Variants in PMS1 observed in about 807,000 individuals in gnomAD.
PMS1 encodes the protein PMS1 homolog 1, mismatch repair system component.
In PMS1, 79 loss-of-function variants were observed where a neutral mutation model predicts 93.1. The ratio of observed to expected loss-of-function variants is 0.85; its 90% CI spans 0.71 to 1.02. The LOEUF is 1.02. Ranked by LOEUF, PMS1 falls within the 50% of genes least tolerant of loss-of-function variation. The pLI, the probability that PMS1 is intolerant of heterozygous loss-of-function variation, is 0.00. For missense variants in PMS1, 1,064 were observed against 1,085.3 expected (o/e 0.98, Z 0.28); for synonymous variants, 335 against 363.4 (o/e 0.92, Z 0.89).
chr2:189,801,485 AAC>A (rs1489942749), intron 3 of PMS1, among the ~76,000 whole-genome samples: 5 of 152,374 alleles, frequency 3.3e-5, no homozygotes, highest in East Asian at 1.9e-4. Context: ...CATAATAAAA[AAC>A]ACAAAATATT....
At chr2:189,809,701 C>T (rs2050667476) in intron 4 of PMS1, among the ~76,000 whole-genome samples, 5 of 151,756 alleles carry the variant, frequency 3.3e-5, no homozygotes, top group Admixed American at 1.3e-4. Flanking sequence ...AAAAATTAGC[C>T]AGGCATGGGG....
At chr2:189,845,443 G>A (rs1341126232) in intron 6 of PMS1, among the ~76,000 whole-genome samples, 1 of 151,428 alleles carries the variant, frequency 6.6e-6, no homozygotes, top group East Asian at 1.9e-4. Context: ...ATCTTATGTA[G>A]TTTTTCGCTT....
At chr2:189,831,767 A>G (rs1575180106) in intron 5 of PMS1, among the ~76,000 whole-genome samples, 1 of 152,254 alleles carries the variant, frequency 6.6e-6, no homozygotes, top group East Asian at 1.9e-4. Flanking sequence ...GCTGGATAGT[A>G]TTTATTTTTT....
intron 1 of PMS1, among the ~76,000 whole-genome samples, chr2:189,787,688 A>C (rs1178369981): frequency 3.3e-5 from 5 of 152,020 alleles, no homozygotes; most frequent in African/African-American, 7.3e-5. Context: ...AGTGCTGGAT[A>C]GAGTACTGGT....
Position 189,805,743 on chromosome 2 carries a change from A to C in PMS1, c.407A>C (p.His136Pro), listed in dbSNP as rs1409259023. 2 of 1,613,796 alleles carry C rather than the reference A, an allele frequency of 1.2e-6. No individual in the cohort carries two copies. Among genetic ancestry groups the C allele is most frequent in the East Asian group, 4.5e-5 (2 of 44,808 alleles). ...SGHILSQKPS[H>P]LGQGTTVTAL... ...CACATACTTTCTCAGAAACCTTCACATCTTGGTCAAGGTAAGAAAGTAGCT... is the reference window on the plus strand; with the variant it reads ...CACATACTTTCTCAGAAACCTTCACCTCTTGGTCAAGGTAAGAAAGTAGCT... The change falls in exon 4 of 13, where the codon CAT becomes CCT. Residue 136 changes from histidine (H) to proline (P), a missense_variant. Coordinates refer to ENST00000441310, the MANE Select transcript of PMS1 (RefSeq NM_000534.5).
intron 9 of PMS1, among the ~76,000 whole-genome samples, chr2:189,859,924 A>C (rs2055768435): frequency 6.6e-6 from 1 of 152,224 alleles, no homozygotes; most frequent in African/African-American, 2.4e-5. Flanking sequence ...TATATACAAA[A>C]AATTTTCCTT....
At position 189,854,292 on chromosome 2, in the gene PMS1, AC is replaced by A. The variant is rs1211424921; in HGVS notation, c.1022del (p.Pro341LeufsTer67). Reference protein sequence around the residue: ...NLMTTCYGPLPSTNSYENNKT... With the variant: ...NLMTTCYGPLXSTNSYENNKT... ...TGATGACGACTTGTTATGGACCATT[AC>A]CTAGTACAAATTCTTATGAAAATAA... On this transcript the variant is annotated frameshift_variant, in exon 9 of 13. Transcript: ENST00000441310. LOFTEE classifies it high-confidence loss of function. 3 of 1,595,788 alleles carry A rather than the reference AC, an allele frequency of 1.9e-6. No individual in the cohort carries two copies. The highest frequency in any genetic ancestry group is 2.6e-6 in the Non-Finnish European group (3 of 1,172,382).
At chr2:189,795,748 G>T in intron 2 of PMS1, 21 bp from the exon 3 acceptor site, 1 of 1,579,152 alleles carries the variant, frequency 6.3e-7, no homozygotes, top group Non-Finnish European at 8.7e-7. Flanking sequence ...CATATTAAAA[G>T]TGTTTTTTGA....
chr2:189,798,465 T>C (rs1180847266), intron 3 of PMS1, among the ~76,000 whole-genome samples: 3 of 152,236 alleles, frequency 2.0e-5, no homozygotes, highest in Non-Finnish European at 2.9e-5. Flanking sequence ...GTCCAAAATC[T>C]AGCACACTGT....
chr2:189,817,964 A>C, intron 4 of PMS1, 53 bp from the exon 5 acceptor site: 1 of 1,300,698 alleles, frequency 7.7e-7, no homozygotes. Context: ...GGATTTGAAG[A>C]TCTGTGACGT....
chr2:189,795,135 G>T (rs551247162), intron 2 of PMS1, among the ~76,000 whole-genome samples: 6 of 152,178 alleles, frequency 3.9e-5, no homozygotes, highest in Admixed American at 2.6e-4. Flanking sequence ...ACTTACTGTG[G>T]TTGCTAAATT....
intron 4 of PMS1, among the ~76,000 whole-genome samples, chr2:189,810,486 A>G (rs1164302801): frequency 6.6e-6 from 1 of 152,198 alleles, no homozygotes; most frequent in Non-Finnish European, 1.5e-5. Flanking sequence ...GGGAGCTTTT[A>G]TGGTACAAGG....
At chr2:189,865,197 T>A (rs5743160) in intron 10 of PMS1, among the ~76,000 whole-genome samples, 249 of 152,220 alleles carry the variant, frequency 1.6e-3, no homozygotes, top group African/African-American at 5.8e-3. Context: ...TCCAGTTTTT[T>A]AAAAAATTTA....
Position 189,863,739 on chromosome 2 carries a change from T to C in PMS1, c.1857-4T>C. On this transcript the variant is annotated splice_region_variant and splice_polypyrimidine_tract_variant and intron_variant, in intron 9 of 12. Transcript: ENST00000441310. ...CATTAGTTCTATTTTATTTCTATTC[T>C]TAGATATGAAGAGAAGGCTACTAAA... 6.4e-7 allele frequency: 1 copy of C among 1,568,208 alleles called. No homozygotes were observed. Among genetic ancestry groups the C allele is most frequent in the Non-Finnish European group, 8.8e-7 (1 of 1,138,762 alleles).
chr2:189,800,141 G>A (rs1181726434), intron 3 of PMS1, among the ~76,000 whole-genome samples: 1 of 152,218 alleles, frequency 6.6e-6, no homozygotes. Flanking sequence ...CAGAGGAATT[G>A]TACACAGTGA....
intron 3 of PMS1, among the ~76,000 whole-genome samples, chr2:189,802,555 G>A (rs930799934): frequency 3.3e-5 from 5 of 152,154 alleles, no homozygotes; most frequent in Non-Finnish European, 4.4e-5. Flanking sequence ...AGGGTCAACT[G>A]TACATAATTT....
At chr2:189,853,851 A>C in intron 7 of PMS1, 88 bp from the exon 8 acceptor site, 2 of 801,876 alleles carry the variant, frequency 2.5e-6, no homozygotes, top group Non-Finnish European at 4.0e-6. Flanking sequence ...AGTTGCATCT[A>C]CTCAATTTCT....
intron 10 of PMS1, among the ~76,000 whole-genome samples, chr2:189,866,254 T>G (rs1211156334): frequency 1.3e-5 from 2 of 152,226 alleles, no homozygotes; most frequent in East Asian, 3.8e-4. Flanking sequence ...CTTTTTGAGC[T>G]TTTTCAAATG....
At chr2:189,848,908 CTTAAG>C (rs1386248919) in intron 6 of PMS1, among the ~76,000 whole-genome samples, 1 of 152,200 alleles carries the variant, frequency 6.6e-6, no homozygotes, top group Non-Finnish European at 1.5e-5. Flanking sequence ...CAAAAGCAAT[CTTAAG>C]TTATTTGCCA....
Sources: allele counts gnomAD v4.1 joint callset (sites outside exome capture counted in the v4.1 genomes callset), GRCh38; gene constraint gnomAD v4.1.1; transcripts MANE v1.5; gene names NCBI Gene and HGNC (gene_info 2026-07-23, HGNC 2026-07-21).